CR1L: variants seen among roughly 807,000 people sequenced by gnomAD.
CR1L encodes the protein complement C3b/C4b receptor 1 like.
In CR1L, 59 loss-of-function variants were observed where a neutral mutation model predicts 62.3. The ratio of observed to expected loss-of-function variants is 0.95; its 90% confidence interval spans 0.77 to 1.18. CR1L has a LOEUF of 1.18. CR1L is among the 50% of genes most tolerant of loss of function. The pLI is 0.00. For synonymous variants in CR1L, 279 were observed against 248.7 expected, an observed-to-expected ratio of 1.12 and a Z score of -1.15; for missense variants, 700 against 702.8, an observed-to-expected ratio of 1.00 and a Z score of 0.04.
At chr1:207,701,433 A>T in intron 8 of CR1L, 86 bp from the exon 9 acceptor site, 1 of 1,533,922 alleles carries the variant, frequency 6.5e-7, no homozygotes, top group Admixed American at 1.7e-5. Flanking sequence ...TGTTTTCTTC[A>T]GGAAGCTACA....
intron 4 of CR1L, among the ~76,000 whole-genome samples, chr1:207,691,879 C>T (rs1187304705): frequency 1.3e-5 from 2 of 152,168 alleles, no homozygotes; most frequent in Non-Finnish European, 2.9e-5. Flanking sequence ...GAGCAATGAA[C>T]GATTCGCAAA....
At chr1:207,646,597 A>T (rs1434945038) in intron 1 of CR1L, among the ~76,000 whole-genome samples, 1 of 151,196 alleles carries the variant, frequency 6.6e-6, no homozygotes, top group Non-Finnish European at 1.5e-5. Context: ...CGTGGTCCCA[A>T]CTACTCCAGA....
chr1:207,652,087 C>T (rs1663232070), intron 1 of CR1L, among the ~76,000 whole-genome samples: 2 of 152,180 alleles, frequency 1.3e-5, no homozygotes, highest in South Asian at 2.1e-4. Flanking sequence ...AGAACATGGT[C>T]CTTGACCCCC....
chr1:207,652,477 G>C (rs1313885692), intron 1 of CR1L: 13 of 893,826 alleles, frequency 1.5e-5, no homozygotes, highest in African/African-American at 9.8e-5. Context: ...CCTGCTGCCA[G>C]ACCACAGTCC....
chr1:207,652,684 A>G (rs1276545058), intron 1 of CR1L: 4 of 964,720 alleles, frequency 4.1e-6, no homozygotes, highest in Non-Finnish European at 6.8e-6. Context: ...CACCCATACT[A>G]TTTGTGATCG....
At chr1:207,670,007 G>A (rs1663586184) in intron 1 of CR1L, among the ~76,000 whole-genome samples, 1 of 151,058 alleles carries the variant, frequency 6.6e-6, no homozygotes, top group Non-Finnish European at 1.5e-5. Context: ...TTGCTCTTCT[G>A]TAAAATGGGG....
At position 207,699,322 on chromosome 1, in the gene CR1L, T is replaced by C. The variant is rs201260912; in HGVS notation, c.1228+48T>C. 1.3e-5 allele frequency: 21 copies of C among 1,608,726 alleles called. No homozygotes were observed. The East Asian group carries it at 4.7e-4, about 36-fold the overall frequency. ...CAGGCCAATCTCTCCCCTTCATCTG[T>C]TCAGTATTTGACCCATGACCTCCCC... On this transcript the variant is annotated intron_variant, in intron 8 of 11. Transcript: ENST00000508064.
At chr1:207,710,788 T>A (rs1185254302) in intron 10 of CR1L, 167 of 1,592,558 alleles carry the variant, frequency 1.0e-4, no homozygotes, top group Admixed American at 1.8e-4. Context: ...TCCAGGGGTG[T>A]GTTTGCCTGA....
chr1:207,674,830 A>C (rs1663664634), intron 1 of CR1L, among the ~76,000 whole-genome samples: 1 of 151,938 alleles, frequency 6.6e-6, no homozygotes, highest in Admixed American at 6.6e-5. Context: ...AGGTGAATGC[A>C]TAACACTGAA....
At chr1:207,665,941 C>T (rs570558254) in intron 1 of CR1L, among the ~76,000 whole-genome samples, 7 of 152,286 alleles carry the variant, frequency 4.6e-5, no homozygotes, top group South Asian at 4.1e-4. Flanking sequence ...GAGTGATACA[C>T]GTGTGTTGGA....
chr1:207,692,038 G>C (rs376801608), intron 4 of CR1L, among the ~76,000 whole-genome samples: 2 of 152,236 alleles, frequency 1.3e-5, no homozygotes, highest in East Asian at 1.9e-4. Context: ...TCAGCGTTTG[G>C]CTTATTTGAA....
At chr1:207,675,741 C>T (rs1663680391) in intron 1 of CR1L, among the ~76,000 whole-genome samples, 1 of 152,124 alleles carries the variant, frequency 6.6e-6, no homozygotes, top group Non-Finnish European at 1.5e-5. Context: ...GAGTAAGATG[C>T]TATTCTTTTT....
chr1:207,646,586 C>A (rs1663129637), intron 1 of CR1L, among the ~76,000 whole-genome samples: 1 of 151,508 alleles, frequency 6.6e-6, no homozygotes, highest in African/African-American at 2.4e-5. Context: ...TGGTGTATGC[C>A]CGTGGTCCCA....
rs545335707 is a variant in CR1L at position 207,651,360 on chromosome 1, A to T, written c.97+6030A>T. Among the ~76,000 whole-genome samples the T allele has an allele frequency of 5.9e-5, 9 of 152,334 alleles. No individual in the cohort carries two copies. The East Asian group carries it at 1.7e-3, about 29-fold the overall frequency. ...ATGATATATAAAGAAAATATTGGACAGTATATATATGGAGAATTTTAGAAT... is the reference window on the plus strand; with the variant it reads ...ATGATATATAAAGAAAATATTGGACTGTATATATATGGAGAATTTTAGAAT... On this transcript the variant is annotated intron_variant, in intron 1 of 11. Coordinates refer to ENST00000508064, the MANE Select transcript of CR1L (RefSeq NM_175710.2).
chr1:207,721,328 T>G (rs1027663441), intron 11 of CR1L, among the ~76,000 whole-genome samples: 1 of 145,398 alleles, frequency 6.9e-6, no homozygotes, highest in Non-Finnish European at 1.5e-5. Context: ...ATCTCCCAAT[T>G]CTATCCCTCC....
intron 1 of CR1L, chr1:207,659,150 G>C (rs576767232): frequency 6.6e-6 from 1 of 152,312 alleles, no homozygotes; most frequent in Non-Finnish European, 1.5e-5. Flanking sequence ...TGAGCCACAC[G>C]TGCCACAGTG....
At chr1:207,707,543 G>A (rs1229564588) in intron 9 of CR1L, among the ~76,000 whole-genome samples, 1 of 152,118 alleles carries the variant, frequency 6.6e-6, no homozygotes, top group Non-Finnish European at 1.5e-5. Context: ...CAGGAGAATT[G>A]CTTGAACTCG....
chr1:207,715,408 A>C (rs1185863880), intron 10 of CR1L: 75 of 1,538,952 alleles, frequency 4.9e-5, no homozygotes, highest in Non-Finnish European at 3.6e-5. Flanking sequence ...GTGAGTAGAA[A>C]GAACTACGTA....
At position 207,653,000 on chromosome 1, in the gene CR1L, C is replaced by T. The variant is rs115631549; in HGVS notation, c.97+7670C>T. 4.5e-3 allele frequency: 1,064 copies of T among 233,984 alleles called. 8 individuals are homozygous for T. The highest frequency in any genetic ancestry group is 0.023 in the African/African-American group (987 of 42,762). The allele number at this position is 233,984 out of a possible 1,614,324, so 14.5% of individuals were successfully genotyped here. On this transcript the variant is annotated intron_variant, in intron 1 of 11. Coordinates refer to ENST00000508064, the MANE Select transcript of CR1L (RefSeq NM_175710.2). The stretch of plus-strand genomic sequence containing the variant: ...AAATAATATGCCCATGCATTCAAAA[C>T]CGCAATGCAGAATTTTGACCTTGAT...
Sources: gnomAD v4.1 joint callset for allele counts (sites outside exome capture counted in the v4.1 genomes callset) on GRCh38, gnomAD v4.1.1 for gene constraint, MANE v1.5 for transcripts, NCBI Gene and HGNC (gene_info 2026-07-23, HGNC 2026-07-21) for gene names.